The following MDN1 variants were observed in gnomAD, a reference collection of about 807,000 sequenced individuals.
MDN1 encodes the protein midasin AAA ATPase 1.
A neutral mutation model predicts 669.2 loss-of-function variants in MDN1; 266 were observed. The ratio of observed to expected loss-of-function variants is 0.40; its 90% CI spans 0.36 to 0.44. The LOEUF is 0.44. Among genes scored for constraint, MDN1 ranks in the 20% least tolerant of loss-of-function variants. MDN1 has a pLI of 1.00. For missense variants in MDN1, 5,940 were observed against 6,754.0 expected (o/e 0.88, Z 4.22); for synonymous variants, 2,385 against 2,457.1 (o/e 0.97, Z 0.87).
chr6:89,777,953 T>G (rs1818437211), intron 11 of MDN1, among the ~76,000 whole-genome samples: 1 of 152,172 alleles, frequency 6.6e-6, no homozygotes, highest in South Asian at 2.1e-4. Flanking sequence ...TAGTATTCAT[T>G]AAGCTCTCTT....
chr6:89,803,890 CTTTTCTTTTTTTTTTTTTT>C (rs1356763625), intron 1 of MDN1, among the ~76,000 whole-genome samples: 22 of 93,226 alleles, frequency 2.4e-4, no homozygotes, highest in African/African-American at 9.0e-4. Context: ...CTTTTCTTTT[CTTTTCTTTTTTTTTTTTTT>C]TTTTTTTTTG....
chr6:89,775,174 C>T (rs1818293921), intron 12 of MDN1, among the ~76,000 whole-genome samples: 1 of 152,186 alleles, frequency 6.6e-6, no homozygotes, highest in Admixed American at 6.5e-5. Context: ...TGGATGTCTA[C>T]CCAACAGCCA....
In MDN1 at chr6:89,692,815, C is replaced by A; in HGVS notation, c.10215G>T (p.Leu3405Phe). The A allele has an allele frequency of 6.2e-7, 1 of 1,614,206 alleles. No individual in the cohort carries two copies. Among genetic ancestry groups the A allele is most frequent in the South Asian group, 1.1e-5 (1 of 91,088 alleles). The change falls in exon 63 of 102, where the codon TTG (leucine) becomes TTT (phenylalanine). Residue 3405 changes from leucine to phenylalanine, a missense_variant. Physicochemically the swap from Leu to Phe is conservative, Grantham distance 22 (BLOSUM62 0). Coordinates refer to ENST00000369393, the MANE Select transcript of MDN1 (RefSeq NM_014611.3). ...DAVSPLQASI[L>F]QLQHGMRLVA... ...CCAGCCTCATGCCATGTTGTAACTGCAATATGGATGCCTGCAGTGGGCTCA... is the reference window on the plus strand; with the variant it reads ...CCAGCCTCATGCCATGTTGTAACTGAAATATGGATGCCTGCAGTGGGCTCA...
intron 26 of MDN1, 26 bp from the exon 27 acceptor site, chr6:89,747,496 A>C: frequency 6.2e-7 from 1 of 1,604,840 alleles, no homozygotes; most frequent in Non-Finnish European, 8.5e-7. Context: ...AACAAATGAA[A>C]AGGGGCATCA....
At chr6:89,686,843 C>T (rs1364005133) in intron 69 of MDN1, 59 bp downstream of exon 69, 1 of 1,597,676 alleles carries the variant, frequency 6.3e-7, no homozygotes, top group Non-Finnish European at 8.5e-7. Flanking sequence ...CTACACTTTG[C>T]AGCACTCCAT....
At chr6:89,724,709 T>C (rs1815093123) in intron 38 of MDN1, among the ~76,000 whole-genome samples, 1 of 152,176 alleles carries the variant, frequency 6.6e-6, no homozygotes, top group African/African-American at 2.4e-5. Flanking sequence ...TTAAAACAAG[T>C]AAGCATACAC....
At chr6:89,779,926 G>C (rs1281974617) in intron 11 of MDN1, among the ~76,000 whole-genome samples, 1 of 151,788 alleles carries the variant, frequency 6.6e-6, no homozygotes, top group African/African-American at 2.4e-5. Flanking sequence ...ATTAGCCAGG[G>C]GTGGTGGCAG....
At chr6:89,766,556 G>T (rs961400544) in intron 15 of MDN1, among the ~76,000 whole-genome samples, 1 of 152,102 alleles carries the variant, frequency 6.6e-6, no homozygotes, top group Non-Finnish European at 1.5e-5. Context: ...CTGCAGAAAG[G>T]CACCTTGGGA....
At chr6:89,739,123 C>T (rs1301943744) in intron 32 of MDN1, among the ~76,000 whole-genome samples, 1 of 152,150 alleles carries the variant, frequency 6.6e-6, no homozygotes, top group African/African-American at 2.4e-5. Context: ...ACCACAGAGG[C>T]CCAGGAATAA....
chr6:89,726,491 AAAAAAGAAAAG>A (rs1204405057), intron 37 of MDN1, among the ~76,000 whole-genome samples: 4 of 151,646 alleles, frequency 2.6e-5, no homozygotes, highest in Non-Finnish European at 5.9e-5. Flanking sequence ...AGAAAAAAAA[AAAAAAGAAAAG>A]AAAAAGAAAA....
rs746196342 is a variant in MDN1 at position 89,762,381 on chromosome 6, A to G, written c.2294T>C (p.Leu765Pro). The G allele has an allele frequency of 2.5e-6, 4 of 1,614,176 alleles. No homozygotes were observed. The Admixed American group carries it at 5.0e-5, about 20-fold the overall frequency. ...CYRQKRWHDL[L>P]RLMQHVHKSA... is the part of the protein sequence containing the mutation. Reference sequence around the variant, plus strand: ...CTTGTGTACATGCTGCATTAGTCTCAGGAGATCATGCCACCGTTTCTGTCT... The same window carrying G: ...CTTGTGTACATGCTGCATTAGTCTCGGGAGATCATGCCACCGTTTCTGTCT... The change falls in exon 16 of 102, where the codon CTG becomes CCG. Residue 765 changes from leucine to proline, a missense_variant. Around this residue, in one of 5 missense-constraint regions of MDN1, gnomAD observed 1,203 missense variants for 1,268.9 expected, o/e 0.95. Coordinates refer to ENST00000369393, the MANE Select transcript of MDN1 (RefSeq NM_014611.3).
intron 9 of MDN1, among the ~76,000 whole-genome samples, chr6:89,783,896 C>T (rs1261279005): frequency 6.6e-6 from 1 of 151,278 alleles, no homozygotes; most frequent in Non-Finnish European, 1.5e-5. Context: ...GCAGGAGAAT[C>T]GCTTGAATAT....
At chr6:89,689,827 T>C in intron 65 of MDN1, 43 bp downstream of exon 65, 1 of 1,589,358 alleles carries the variant, frequency 6.3e-7, no homozygotes, top group Non-Finnish European at 8.6e-7. Flanking sequence ...TATTTGCATT[T>C]GCTTTCATTT....
intron 51 of MDN1, 76 bp downstream of exon 51, chr6:89,708,420 T>G: frequency 6.5e-7 from 1 of 1,547,172 alleles, no homozygotes; most frequent in Non-Finnish European, 8.8e-7. Context: ...ATAAGCTATT[T>G]GACAGATTCT....
In MDN1 at chr6:89,761,759, A is replaced by C. The variant is rs1431851286; in HGVS notation, c.2357-11T>G. The C allele has an allele frequency of 1.9e-6, 3 of 1,561,922 alleles. No individual in the cohort carries two copies. Among genetic ancestry groups the C allele is most frequent in the Non-Finnish European group, 2.6e-6 (3 of 1,137,826 alleles). ...CTTTTATGAGTAACCCTAAAAAAGA[A>C]AGACAAGAATTCAGCACACATTTTG... is the stretch of plus-strand genomic sequence containing the variant. On this transcript the variant is annotated splice_polypyrimidine_tract_variant and intron_variant, in intron 16 of 101. Transcript: ENST00000369393.
chr6:89,672,916 A>G (rs1344549355), intron 80 of MDN1, among the ~76,000 whole-genome samples: 1 of 152,250 alleles, frequency 6.6e-6, no homozygotes, highest in East Asian at 1.9e-4. Flanking sequence ...TGTAAAAAAT[A>G]TAAAAATAAC....
Position 89,676,160 on chromosome 6 carries a change from A to C in MDN1, c.12587T>G (p.Phe4196Cys), listed in dbSNP as rs1283378770. Residue 4196 changes from phenylalanine to cysteine, a missense_variant, in exon 77 of 102, where the codon TTT (phenylalanine) becomes TGT (cysteine). Physicochemically the swap from Phe to Cys is radical, Grantham distance 205 (BLOSUM62 -2). Coordinates refer to ENST00000369393, the MANE Select transcript of MDN1 (RefSeq NM_014611.3). ...SSSWDGCQKY[F>C]YRSLARHARL... Reference sequence around the variant, plus strand: ...GGCATGCCGTGCAAGAGAGCGATAAAAATACTTCTGGCATCCATCCCATGA... The same window carrying C: ...GGCATGCCGTGCAAGAGAGCGATAACAATACTTCTGGCATCCATCCCATGA... The C allele has an allele frequency of 6.2e-7, 1 of 1,614,228 alleles. No homozygotes were observed. The highest frequency in any genetic ancestry group is 2.2e-5 in the East Asian group (1 of 44,882).
At chr6:89,743,535 CA>C (rs1816405627) in intron 30 of MDN1, 40 bp downstream of exon 30, 19 of 1,590,486 alleles carry the variant, frequency 1.2e-5, no homozygotes, top group Non-Finnish European at 1.6e-5. Context: ...CAGCTAACTG[CA>C]GTTTTTTAAA....
At chr6:89,677,524 T>C (rs757360733) in intron 76 of MDN1, 46 bp downstream of exon 76, 4 of 1,608,104 alleles carry the variant, frequency 2.5e-6, no homozygotes, top group East Asian at 2.2e-5. Flanking sequence ...CTAAATTACT[T>C]GCTCCATTTA....
Sources: gnomAD v4.1 joint callset for allele counts (sites outside exome capture counted in the v4.1 genomes callset) on GRCh38, gnomAD v4.1.1 for gene constraint, gnomAD v4.1.1 regional missense constraint, MANE v1.5 for transcripts, NCBI Gene and HGNC (gene_info 2026-07-23, HGNC 2026-07-21) for gene names.